The following PCDH15 variants were observed in gnomAD, a reference collection of about 807,000 sequenced individuals.
PCDH15 encodes protocadherin related 15, also known as protocadherin-15.
A neutral mutation model predicts 178.5 loss-of-function variants in PCDH15; 129 were observed. That is an observed-to-expected ratio of 0.72 (90% CI 0.63 to 0.84). The LOEUF is 0.84. PCDH15 is among the 40% of genes least tolerant of loss of function. The pLI is 0.00. For missense variants in PCDH15, 2,230 were observed against 2,099.9 expected (o/e 1.06, Z -1.21); for synonymous variants, 800 against 732.0 (o/e 1.09, Z -1.50).
chr10:54,188,974 A>T (rs1170037302), intron 11 of PCDH15, among the ~76,000 whole-genome samples: 2 of 151,964 alleles, frequency 1.3e-5, no homozygotes, highest in African/African-American at 4.8e-5. Flanking sequence ...TAGTTGCCTG[A>T]GTATTTAGTT....
At chr10:53,811,505 AATATT>A (rs2075863675) in intron 36 of PCDH15, 39 bp downstream of exon 36, 1 of 1,155,510 alleles carries the variant, frequency 8.7e-7, no homozygotes, top group Admixed American at 2.9e-5. Flanking sequence ...CTATTAATAA[AATATT>A]AAAATAAGAA....
At chr10:54,555,926 A>G (rs1035449068) in intron 2 of PCDH15, among the ~76,000 whole-genome samples, 3 of 141,792 alleles carry the variant, frequency 2.1e-5, no homozygotes, top group Admixed American at 2.1e-4. Flanking sequence ...TTTCTCACTG[A>G]CCCATTTAAG....
intron 1 of PCDH15, among the ~76,000 whole-genome samples, chr10:55,226,535 C>T (rs939051009): frequency 6.6e-6 from 1 of 151,846 alleles, no homozygotes; most frequent in Non-Finnish European, 1.5e-5. Context: ...GCACCCACCA[C>T]CACAGTCGGC....
At chr10:55,545,309 T>TC (rs1841856033) in intron 2 of PCDH15, among the ~76,000 whole-genome samples, 1 of 150,708 alleles carries the variant, frequency 6.6e-6, no homozygotes, top group Admixed American at 6.6e-5. Flanking sequence ...ACTCTGTCGC[T>TC]CTGTTTCTGA....
intron 1 of PCDH15, among the ~76,000 whole-genome samples, chr10:55,196,923 G>C (rs879899822): frequency 6.6e-6 from 1 of 151,826 alleles, no homozygotes; most frequent in Non-Finnish European, 1.5e-5. Flanking sequence ...GGTTATATTG[G>C]AGAAAGAATT....
intron 5 of PCDH15, among the ~76,000 whole-genome samples, chr10:54,368,654 G>C (rs1300520621): frequency 6.6e-6 from 1 of 151,904 alleles, no homozygotes; most frequent in Non-Finnish European, 1.5e-5. Flanking sequence ...ATTCGGTTGT[G>C]ATTTGTAGTT....
At chr10:53,808,127 G>T (rs1401705106) in intron 37 of PCDH15, 1 of 151,990 alleles carries the variant, frequency 6.6e-6, no homozygotes, top group East Asian at 1.9e-4. Context: ...ATTGAAAAAT[G>T]TTATTTCATT....
In PCDH15 at chr10:55,285,240, C is replaced by T. The variant is rs569217057; in HGVS notation, c.-156+34359G>A. On this transcript the variant is annotated intron_variant, in intron 1 of 5. Transcript: ENST00000458638. Reference sequence around the variant, plus strand: ...TGTATTTATATGGTAAATATAAATACAATATATTTATTTATACAGTTTCTG... The same window carrying T: ...TGTATTTATATGGTAAATATAAATATAATATATTTATTTATACAGTTTCTG... Among the ~76,000 whole-genome samples, 38 of 149,190 alleles carry T rather than the reference C, an allele frequency of 2.5e-4. No individual in the cohort carries two copies. The East Asian group carries it at 7.2e-3, about 28-fold the overall frequency.
intron 1 of PCDH15, among the ~76,000 whole-genome samples, chr10:55,201,196 T>C (rs1840237997): frequency 6.6e-6 from 1 of 152,082 alleles, no homozygotes; most frequent in Non-Finnish European, 1.5e-5. Flanking sequence ...GCTGGAAATA[T>C]CAGAAGCTAC....
chr10:53,914,452 A>G (rs1051202884), intron 25 of PCDH15, among the ~76,000 whole-genome samples: 2 of 152,226 alleles, frequency 1.3e-5, no homozygotes, highest in African/African-American at 4.8e-5. Context: ...TGATGAGTTC[A>G]TGTCCTTTGG....
At position 55,518,383 on chromosome 10, in the gene PCDH15, G is replaced by T. The variant is rs185530248; in HGVS notation, c.-156+109242C>A. On this transcript the variant is annotated intron_variant, in intron 2 of 5. Coordinates refer to the PCDH15 transcript ENST00000613346. ...ACAGTCTGGATCATGAACAAAGCAGGAGCACTGTCATCTCAGACAAACACC... is the reference window on the plus strand; with the variant it reads ...ACAGTCTGGATCATGAACAAAGCAGTAGCACTGTCATCTCAGACAAACACC... Among the ~76,000 whole-genome samples the T allele has an allele frequency of 1.4e-4, 21 of 152,174 alleles. 1 individual carries two copies. The highest frequency in any genetic ancestry group is 4.6e-4 in the African/African-American group (19 of 41,544).
intron 1 of PCDH15, among the ~76,000 whole-genome samples, chr10:55,301,212 A>G (rs1211137815): frequency 1.1e-4 from 16 of 152,208 alleles, no homozygotes; most frequent in Non-Finnish European, 8.8e-5. Context: ...ATGCAATTTT[A>G]CATTCCCACC....
intron 3 of PCDH15, among the ~76,000 whole-genome samples, chr10:54,839,568 G>A (rs992188195): frequency 6.6e-6 from 1 of 152,074 alleles, no homozygotes; most frequent in African/African-American, 2.4e-5. Context: ...AGAAAAAGGA[G>A]AGAGAGAAGG....
chr10:54,781,961 A>C (rs763411184), intron 1 of PCDH15, among the ~76,000 whole-genome samples: 3 of 152,202 alleles, frequency 2.0e-5, no homozygotes, highest in Non-Finnish European at 4.4e-5. Flanking sequence ...GATTTGTCAC[A>C]GTGCAAGAAA....
intron 2 of PCDH15, among the ~76,000 whole-genome samples, chr10:55,531,895 A>G (rs1841462167): frequency 6.6e-6 from 1 of 152,072 alleles, no homozygotes; most frequent in Non-Finnish European, 1.5e-5. Context: ...TAAAACAATT[A>G]ACATATTGAA....
At chr10:54,773,140 G>A (rs1381135407) in intron 1 of PCDH15, among the ~76,000 whole-genome samples, 2 of 152,076 alleles carry the variant, frequency 1.3e-5, no homozygotes, top group African/African-American at 2.4e-5. Context: ...ATAGCTAATG[G>A]ATGCTAGGCT....
chr10:54,385,214 C>G (rs190202710), intron 3 of PCDH15, among the ~76,000 whole-genome samples: 1 of 152,072 alleles, frequency 6.6e-6, no homozygotes, highest in Admixed American at 6.6e-5. Context: ...TAGGAGAATT[C>G]TGAGTTGTCA....
chr10:55,078,104 T>C (rs1841954290), intron 2 of PCDH15, among the ~76,000 whole-genome samples: 1 of 152,076 alleles, frequency 6.6e-6, no homozygotes, highest in South Asian at 2.1e-4. Flanking sequence ...TATCCTTGGG[T>C]AGAATTTTTT....
intron 2 of PCDH15, among the ~76,000 whole-genome samples, chr10:55,625,425 T>C (rs1218648976): frequency 6.6e-6 from 1 of 152,156 alleles, no homozygotes; most frequent in African/African-American, 2.4e-5. Context: ...ACTAAGCCTG[T>C]AAATTTCATA....
Sources: allele counts gnomAD v4.1 joint callset (sites outside exome capture counted in the v4.1 genomes callset), GRCh38; gene constraint gnomAD v4.1.1; transcripts MANE v1.5; gene names NCBI Gene and HGNC (gene_info 2026-07-23, HGNC 2026-07-21).